Variants in CDK13 observed in about 807,000 individuals in gnomAD.
The protein encoded by CDK13 is cyclin-dependent kinase 13.
CDK13 carries 40 observed loss-of-function variants against 137.6 expected under a neutral mutation model. The ratio of observed to expected loss-of-function variants is 0.29; its 90% CI spans 0.23 to 0.38. The LOEUF is 0.38. CDK13 is among the 10% of genes least tolerant of loss of function. CDK13 has a pLI of 1.00. For synonymous variants in CDK13, 869 were observed against 760.1 expected (o/e 1.14, Z -2.36); for missense variants, 1,704 against 1,951.8 (o/e 0.87, Z 2.39).
intron 5 of CDK13, among the ~76,000 whole-genome samples, chr7:40,044,905 G>A (rs1785702369): frequency 6.6e-6 from 1 of 152,058 alleles, no homozygotes; most frequent in South Asian, 2.1e-4. Context: ...CAAAGCCCTG[G>A]GATTACAGGC....
At chr7:40,010,118 G>T (rs767842943) in intron 5 of CDK13, among the ~76,000 whole-genome samples, 1 of 151,866 alleles carries the variant, frequency 6.6e-6, no homozygotes, top group Non-Finnish European at 1.5e-5. Context: ...TATTATTATC[G>T]TAATATAATA....
chr7:39,954,154 C>G (rs374394215), intron 1 of CDK13, among the ~76,000 whole-genome samples: 1 of 152,170 alleles, frequency 6.6e-6, no homozygotes, highest in African/African-American at 2.4e-5. Context: ...AATATAAAGA[C>G]AGTTGTCATG....
chr7:40,005,941 G>A (rs1583978945), intron 5 of CDK13, among the ~76,000 whole-genome samples: 1 of 151,888 alleles, frequency 6.6e-6, no homozygotes, highest in Admixed American at 6.6e-5. Context: ...CCCAAGGCCG[G>A]CGTCAAACTC....
chr7:39,958,494 A>T (rs958304199), intron 1 of CDK13, among the ~76,000 whole-genome samples: 1 of 152,160 alleles, frequency 6.6e-6, no homozygotes, highest in Non-Finnish European at 1.5e-5. Flanking sequence ...CATTTTGATA[A>T]ATATTTTTCT....
intron 5 of CDK13, among the ~76,000 whole-genome samples, chr7:40,003,153 T>TACACACACACACACAC (rs71560157): frequency 3.3e-5 from 4 of 119,892 alleles, no homozygotes; most frequent in African/African-American, 1.0e-4. Context: ...CTTCCCCAGC[T>TACACACACACACACAC]ACACACACAC....
At chr7:40,062,997 G>A (rs1786188866) in intron 8 of CDK13, 26 bp from the exon 9 acceptor site, 3 of 1,608,044 alleles carry the variant, frequency 1.9e-6, no homozygotes. Flanking sequence ...AGATCATTTG[G>A]TAATGACGGG....
At chr7:40,015,509 T>G (rs1284900130) in intron 5 of CDK13, among the ~76,000 whole-genome samples, 6 of 152,190 alleles carry the variant, frequency 3.9e-5, no homozygotes, top group Non-Finnish European at 8.8e-5. Context: ...TTTGTTGTAA[T>G]TATTTAGTGA....
intron 4 of CDK13, among the ~76,000 whole-genome samples, chr7:39,999,978 G>T (rs1168730361): frequency 6.6e-6 from 1 of 152,144 alleles, no homozygotes; most frequent in Admixed American, 6.5e-5. Flanking sequence ...GTTTTAAAAG[G>T]CTTCACAGGA....
At chr7:40,005,349 G>T (rs1784776276) in intron 5 of CDK13, among the ~76,000 whole-genome samples, 1 of 150,970 alleles carries the variant, frequency 6.6e-6, no homozygotes, top group South Asian at 2.1e-4. Context: ...GAGTGCAGTG[G>T]CATGGTCTCA....
chr7:40,015,708 A>T (rs1283075409), intron 5 of CDK13, among the ~76,000 whole-genome samples: 1 of 152,196 alleles, frequency 6.6e-6, no homozygotes, highest in Admixed American at 6.5e-5. Context: ...AAATTTTATT[A>T]TGTGGAGATC....
chr7:40,007,680 G>A (rs911624879), intron 5 of CDK13, among the ~76,000 whole-genome samples: 8 of 151,930 alleles, frequency 5.3e-5, no homozygotes, highest in East Asian at 1.9e-4. Context: ...CACCCACCTC[G>A]GCCTCCCAAA....
intron 5 of CDK13, among the ~76,000 whole-genome samples, chr7:40,036,334 A>G (rs963083756): frequency 1.3e-5 from 2 of 152,182 alleles, no homozygotes; most frequent in African/African-American, 4.8e-5. Flanking sequence ...TTACTAAAAT[A>G]TTCAAACATC....
intron 1 of CDK13, among the ~76,000 whole-genome samples, chr7:39,962,069 C>CT (rs1325386841): frequency 6.6e-6 from 1 of 152,306 alleles, no homozygotes; most frequent in East Asian, 1.9e-4. Context: ...CAAGTCTTTG[C>CT]TATCGTGAAT....
intron 5 of CDK13, among the ~76,000 whole-genome samples, chr7:40,034,786 T>C (rs1785448399): frequency 6.6e-6 from 1 of 152,228 alleles, no homozygotes; most frequent in African/African-American, 2.4e-5. Flanking sequence ...TTACTGGATG[T>C]TGTCAGTCTG....
intron 11 of CDK13, among the ~76,000 whole-genome samples, chr7:40,083,754 A>G (rs1786722231): frequency 6.6e-6 from 1 of 152,212 alleles, no homozygotes; most frequent in Admixed American, 6.5e-5. Flanking sequence ...AACATTCTGT[A>G]AGCTATCTGT....
At chr7:39,998,887 C>A (rs1421735681) in intron 3 of CDK13, 2 of 151,660 alleles carry the variant, frequency 1.3e-5, no homozygotes, top group East Asian at 1.9e-4. Context: ...ATGATTTCAT[C>A]CAGTCATAAG....
At chr7:40,044,467 C>T (rs913403444) in intron 5 of CDK13, among the ~76,000 whole-genome samples, 4 of 151,618 alleles carry the variant, frequency 2.6e-5, no homozygotes, top group Non-Finnish European at 5.9e-5. Context: ...TAAGATAACA[C>T]ACCACCACGC....
chr7:40,025,745 CT>C (rs2150500439), intron 5 of CDK13, among the ~76,000 whole-genome samples: 1 of 152,268 alleles, frequency 6.6e-6, no homozygotes, highest in Admixed American at 6.5e-5. Context: ...TAAGTGAAAA[CT>C]TTGGTTTCAT....
chr7:40,057,028 A>G (rs989118535), intron 7 of CDK13, among the ~76,000 whole-genome samples: 1 of 152,186 alleles, frequency 6.6e-6, no homozygotes, highest in South Asian at 2.1e-4. Context: ...GCCAAGGCAG[A>G]TGGATCACCT....
Sources: gnomAD v4.1 joint callset for allele counts (sites outside exome capture counted in the v4.1 genomes callset) on GRCh38, gnomAD v4.1.1 for gene constraint, MANE v1.5 for transcripts, NCBI Gene and HGNC (gene_info 2026-07-23, HGNC 2026-07-21) for gene names.